Variants in ERG observed in about 807,000 individuals in gnomAD.
ERG encodes the protein ETS transcription factor ERG.
Under a neutral mutation model 55.3 loss-of-function variants are expected in ERG, and 9 were observed. The observed-to-expected ratio is 0.16, with a 90% CI of 0.10 to 0.28. ERG has a LOEUF of 0.28. Ranked by LOEUF, ERG falls within the 10% of genes least tolerant of loss-of-function variation. The pLI is 1.00. For synonymous variants in ERG, 223 were observed against 237.3 expected (o/e 0.94, Z 0.55); for missense variants, 434 against 631.6 (o/e 0.69, Z 3.35).
At chr21:38,439,361 A>G (rs1405979804) in intron 2 of ERG, among the ~76,000 whole-genome samples, 1 of 152,082 alleles carries the variant, frequency 6.6e-6, no homozygotes, top group Non-Finnish European at 1.5e-5. Context: ...TCATGACTTG[A>G]GCTTTGGGGA....
chr21:38,661,458 G>C (rs1481037878), intron 1 of ERG, among the ~76,000 whole-genome samples: 1 of 152,178 alleles, frequency 6.6e-6, no homozygotes, highest in Non-Finnish European at 1.5e-5. Flanking sequence ...GCCGGGACGC[G>C]GGGATGCCGA....
chr21:38,540,787 G>A (rs1319414428), intron 2 of ERG, among the ~76,000 whole-genome samples: 1 of 152,146 alleles, frequency 6.6e-6, no homozygotes, highest in Non-Finnish European at 1.5e-5. Context: ...TAAAGTATGT[G>A]CCACCTGTCA....
intron 2 of ERG, among the ~76,000 whole-genome samples, chr21:38,546,532 A>G (rs2059788882): frequency 6.6e-6 from 1 of 152,176 alleles, no homozygotes; most frequent in South Asian, 2.1e-4. Context: ...CCTTGACACA[A>G]GCGCCCACAA....
chr21:38,405,006 C>T (rs1022362752), intron 3 of ERG, among the ~76,000 whole-genome samples: 8 of 152,112 alleles, frequency 5.3e-5, no homozygotes, highest in African/African-American at 9.7e-5. Flanking sequence ...TTCCTTCCTT[C>T]GCTTCTCCCT....
chr21:38,472,396 C>A (rs1331841114), intron 1 of ERG, among the ~76,000 whole-genome samples: 1 of 152,202 alleles, frequency 6.6e-6, no homozygotes, highest in Non-Finnish European at 1.5e-5. Flanking sequence ...ATTACCGTCT[C>A]ATTTGCTCCT....
At chr21:38,625,888 A>T (rs2060321207) in intron 1 of ERG, among the ~76,000 whole-genome samples, 2 of 148,846 alleles carry the variant, frequency 1.3e-5, no homozygotes, top group African/African-American at 4.9e-5. Context: ...TAAAAAGCCC[A>T]TTACAATAAA....
At chr21:38,525,853 C>T (rs982382571) in intron 2 of ERG, among the ~76,000 whole-genome samples, 6 of 152,198 alleles carry the variant, frequency 3.9e-5, no homozygotes, top group Non-Finnish European at 5.9e-5. Context: ...AATGCAGAGA[C>T]GGACTGAAAG....
At chr21:38,457,160 G>A (rs1425885994) in intron 1 of ERG, among the ~76,000 whole-genome samples, 4 of 152,230 alleles carry the variant, frequency 2.6e-5, no homozygotes, top group Admixed American at 2.6e-4. Flanking sequence ...CACAAGCCTG[G>A]GCGGGGTGGC....
At chr21:38,605,175 C>G (rs79675871) in intron 1 of ERG, among the ~76,000 whole-genome samples, 3 of 152,298 alleles carry the variant, frequency 2.0e-5, no homozygotes, top group East Asian at 3.9e-4. Flanking sequence ...GCTATCTATA[C>G]TACCCCAAAT....
At chr21:38,431,578 A>G (rs1301049249) in intron 2 of ERG, among the ~76,000 whole-genome samples, 1 of 152,212 alleles carries the variant, frequency 6.6e-6, no homozygotes, top group Non-Finnish European at 1.5e-5. Flanking sequence ...CCCACTGAGT[A>G]AGCTTACTAT....
At position 38,383,811 on chromosome 21, in the gene ERG, G is replaced by A. The variant is rs139225781; in HGVS notation, c.1032C>T (p.Pro344=). The A allele has an allele frequency of 6.2e-7, 1 of 1,614,048 alleles. No individual in the cohort carries two copies. The highest frequency in any genetic ancestry group is 1.3e-5 in the African/African-American group (1 of 74,922). ...GTNGEFKMTD[P]DEVARRWGER... is the part of the protein sequence containing the mutation. ...CTCCCCAGCGCCGGGCCACCTCGTC[G>A]GGATCCGTCATCTTGAACTCCCCGT... The change falls in exon 10 of 10, where the codon CCC becomes CCT. Residue 344 remains proline, a synonymous_variant. Coordinates refer to ENST00000288319, the MANE Select transcript of ERG (RefSeq NM_182918.4). The surrounding 1 kb of genome is among the most constrained non-coding windows in gnomAD (Gnocchi z 5.7).
At chr21:38,400,527 T>C in intron 6 of ERG, 47 bp downstream of exon 6, 4 of 1,443,070 alleles carry the variant, frequency 2.8e-6, no homozygotes, top group Non-Finnish European at 3.9e-6. Context: ...CAGCAGGACA[T>C]CTGGGATGTC....
At chr21:38,539,807 C>A (rs141408010) in intron 2 of ERG, among the ~76,000 whole-genome samples, 132 of 152,182 alleles carry the variant, frequency 8.7e-4, no homozygotes, top group Non-Finnish European at 2.9e-4. Context: ...TGCTCTGACC[C>A]CAGGTTGGCG....
chr21:38,456,888 C>A (rs2058994882), intron 1 of ERG, among the ~76,000 whole-genome samples: 1 of 152,192 alleles, frequency 6.6e-6, no homozygotes, highest in Non-Finnish European at 1.5e-5. Flanking sequence ...TAATGTTATA[C>A]GCTGAGCTCA....
At chr21:38,369,016 TTGA>T in the ERG span, among the ~76,000 whole-genome samples, 1 of 152,250 alleles carries the variant, frequency 6.6e-6, no homozygotes, top group Admixed American at 6.5e-5. Context: ...CAGTCTATCA[TTGA>T]TGGGCATTTA....
At chr21:38,501,451 A>G (rs2146699629), upstream of ERG, among the ~76,000 whole-genome samples, 1 of 152,208 alleles carries the variant, frequency 6.6e-6, no homozygotes, top group Non-Finnish European at 1.5e-5. Flanking sequence ...GAAGATATAG[A>G]TATCACTCTA....
chr21:38,511,707 A>T (rs2836455), intron 2 of ERG, among the ~76,000 whole-genome samples: 24,859 of 152,194 alleles, frequency 0.16, 2,233 homozygotes, highest in East Asian at 0.38. Flanking sequence ...TTGTGATACA[A>T]CAGAAGCACT....
chr21:38,502,271 C>G (rs1450798481), upstream of ERG, among the ~76,000 whole-genome samples: 3 of 152,204 alleles, frequency 2.0e-5, no homozygotes, highest in Non-Finnish European at 4.4e-5. Context: ...GAAAACTGCT[C>G]TGATATTTTA....
chr21:38,476,219 TA>T (rs201354411), intron 1 of ERG, among the ~76,000 whole-genome samples: 36 of 147,414 alleles, frequency 2.4e-4, no homozygotes, highest in Admixed American at 4.1e-4. Context: ...CGTAGTACGT[TA>T]AAAAAAAAAA....
Sources: allele counts gnomAD v4.1 joint callset (sites outside exome capture counted in the v4.1 genomes callset), GRCh38; gene constraint gnomAD v4.1.1; non-coding constraint Gnocchi (gnomAD v3.1); transcripts MANE v1.5; gene names NCBI Gene and HGNC (gene_info 2026-07-23, HGNC 2026-07-21).